CPLX2: variants seen among roughly 807,000 people sequenced by gnomAD.
CPLX2 encodes complexin-2.
Under a neutral mutation model 16.3 loss-of-function variants are expected in CPLX2, and 5 were observed. The ratio of observed to expected loss-of-function variants is 0.31; its 90% CI spans 0.16 to 0.64. CPLX2 has a LOEUF of 0.64. Ranked by LOEUF, CPLX2 falls within the 30% of genes least tolerant of loss-of-function variation. CPLX2 has a pLI of 0.79. For missense variants in CPLX2, 144 were observed against 181.4 expected (o/e 0.79, Z 1.18); for synonymous variants, 89 against 73.2 (o/e 1.22, Z -1.10).
intron 1 of CPLX2, among the ~76,000 whole-genome samples, chr5:175,807,242 TC>T (rs1342989353): frequency 1.3e-5 from 2 of 152,228 alleles, no homozygotes; most frequent in Non-Finnish European, 2.9e-5. Context: ...ACCCAAGTCA[TC>T]CCAACATGTG....
intron 2 of CPLX2, among the ~76,000 whole-genome samples, chr5:175,833,737 A>C (rs533019412): frequency 6.6e-6 from 1 of 152,278 alleles, no homozygotes; most frequent in African/African-American, 2.4e-5. Flanking sequence ...TCCACAGCCA[A>C]AATCAGTCAG....
chr5:175,799,546 A>ATATTTTTATATATT lies in CPLX2; in HGVS notation c.-169+2765_-169+2766insTTTTATATATTTAT, dbSNP rs1348959103. Among the ~76,000 whole-genome samples the ATATTTTTATATATT allele has an allele frequency of 1.3e-4, 14 of 107,518 alleles. 1 individual carries two copies. The East Asian group carries it at 3.4e-3, about 26-fold the overall frequency. 70.5% of individuals were successfully genotyped at this position (107,518 alleles called of 152,430 possible). Reference sequence around the variant, plus strand: ...AGATCCCTTTGCAAATTTCATATATATATATATATATATATATATATATAT... The same window carrying ATATTTTTATATATT: ...AGATCCCTTTGCAAATTTCATATATATATTTTTATATATTTATATATATATATATATATATATAT... On this transcript the variant is annotated intron_variant, in intron 1 of 4. Transcript: ENST00000359546.
At position 175,809,369 on chromosome 5, in the gene CPLX2, G is replaced by A. The variant is rs866277234; in HGVS notation, c.-89+301G>A. On this transcript the variant is annotated intron_variant, in intron 2 of 4. Transcript: ENST00000359546. The surrounding 1 kb of genome is among the most constrained non-coding windows in gnomAD (Gnocchi z 4.4). Reference sequence around the variant, plus strand: ...AAAACTGAAGCTCAGAGAGTGAAAGGACTTGCCTAAAGACACACAGCTGGT... The same window carrying A: ...AAAACTGAAGCTCAGAGAGTGAAAGAACTTGCCTAAAGACACACAGCTGGT... 7 of 152,192 alleles carry A rather than the reference G, an allele frequency of 4.6e-5. No individual in the cohort carries two copies. Among genetic ancestry groups the A allele is most frequent in the Non-Finnish European group, 8.8e-5 (6 of 68,052 alleles). 9.4% of individuals were successfully genotyped at this position (152,192 alleles called of 1,614,324 possible). A position where few individuals can be genotyped will look rare whatever the true frequency, so the allele number is the denominator to read the frequency against.
chr5:175,799,539 C>CAT (rs70988299), intron 1 of CPLX2, among the ~76,000 whole-genome samples: 5,584 of 71,786 alleles, frequency 0.078, 221 homozygotes, highest in South Asian at 0.092. Flanking sequence ...TTGCAAATTT[C>CAT]ATATATATAT....
chr5:175,850,700 G>A (rs1759134353), intron 2 of CPLX2, among the ~76,000 whole-genome samples: 1 of 152,126 alleles, frequency 6.6e-6, no homozygotes, highest in Non-Finnish European at 1.5e-5. Flanking sequence ...ATTTGACCGA[G>A]GGCACCCTCA....
Position 175,830,056 on chromosome 5 carries a change from G to A in CPLX2, c.-89+20988G>A, listed in dbSNP as rs1758704299. ...GCCTAGCGGTCTCTCTCATCCACCA[G>A]CGTGGCTGCGGCCCTCCGTGCTCTC... On this transcript the variant is annotated intron_variant, in intron 2 of 4. Transcript: ENST00000359546. This position sits in a 1 kb window ranked among gnomAD's most constrained non-coding sequence, Gnocchi z 4.0. 6.6e-6 allele frequency among the ~76,000 whole-genome samples: 1 copy of A among 152,198 alleles called. No individual in the cohort carries two copies. The highest frequency in any genetic ancestry group is 2.1e-4 in the South Asian group (1 of 4,830).
chr5:175,867,959 G>C (rs1759509684), upstream of CPLX2, among the ~76,000 whole-genome samples: 1 of 152,226 alleles, frequency 6.6e-6, no homozygotes, highest in Non-Finnish European at 1.5e-5. Flanking sequence ...AGGTGGCCTA[G>C]AGCCCTTCTC....
intron 2 of CPLX2, among the ~76,000 whole-genome samples, chr5:175,857,974 A>G (rs1759292367): frequency 6.6e-6 from 1 of 152,214 alleles, no homozygotes. Flanking sequence ...CAGCAGCGCC[A>G]GGGCCTGTGC....
At chr5:175,857,435 A>G (rs185454141) in intron 2 of CPLX2, among the ~76,000 whole-genome samples, 1 of 152,204 alleles carries the variant, frequency 6.6e-6, no homozygotes, top group East Asian at 1.9e-4. Context: ...GTCCCAATAA[A>G]CCCATCGTAA....
chr5:175,841,523 C>T (rs1012179083), intron 2 of CPLX2, among the ~76,000 whole-genome samples: 1 of 152,192 alleles, frequency 6.6e-6, no homozygotes, highest in African/African-American at 2.4e-5. Context: ...CCTCAACTAC[C>T]CTAAAACATG....
At chr5:175,796,636 G>A (rs1383910420) in exon 1 of CPLX2, 2 of 152,688 alleles carry the variant, frequency 1.3e-5, no homozygotes, top group East Asian at 3.9e-4. Context: ...ACAGAAACGG[G>A]GCTTGGCGCC....
In CPLX2 at chr5:175,878,724, A is replaced by G; in HGVS notation, c.-16A>G. 2 of 1,612,998 alleles carry G rather than the reference A, an allele frequency of 1.2e-6. No individual in the cohort carries two copies. Among genetic ancestry groups the G allele is most frequent in the Non-Finnish European group, 1.7e-6 (2 of 1,179,750 alleles). ...ATTCTGCCGTGGGCTAAGGCACGCT[A>G]ACCAGAGCCGGCGGCATGGACTTCG... On this transcript the variant is annotated 5_prime_UTR_variant, in exon 2 of 4. An upstream open reading frame in the 5' UTR loses its in-frame stop. Transcript: ENST00000393745.
chr5:175,863,491 T>C (rs1408298515), intron 2 of CPLX2, among the ~76,000 whole-genome samples: 1 of 152,200 alleles, frequency 6.6e-6, no homozygotes, highest in Non-Finnish European at 1.5e-5. Flanking sequence ...GATAATGATA[T>C]TTAAGGTAAC....
intron 2 of CPLX2, among the ~76,000 whole-genome samples, chr5:175,861,325 G>T (rs976015047): frequency 3.9e-5 from 6 of 152,170 alleles, no homozygotes; most frequent in Non-Finnish European, 5.9e-5. Context: ...CCAAACATAG[G>T]GTAAAAAGGG....
At chr5:175,797,680 C>T (rs1758015850) in intron 1 of CPLX2, among the ~76,000 whole-genome samples, 1 of 152,088 alleles carries the variant, frequency 6.6e-6, no homozygotes, top group Non-Finnish European at 1.5e-5. Context: ...ACGAACGGGA[C>T]AGCTCCAGGC....
intron 2 of CPLX2, among the ~76,000 whole-genome samples, chr5:175,846,502 G>C (rs907435467): frequency 6.6e-6 from 1 of 152,146 alleles, no homozygotes; most frequent in Non-Finnish European, 1.5e-5. Flanking sequence ...GATTTTTTGG[G>C]ATGCTGGACA....
chr5:175,837,760 C>T (rs1450876472), intron 2 of CPLX2: 2 of 152,300 alleles, frequency 1.3e-5, no homozygotes, highest in East Asian at 3.9e-4. Context: ...GCAACCCCCA[C>T]CCCCTCTGAG....
chr5:175,882,875 A>C lies in CPLX2; in HGVS notation c.*2830A>C, dbSNP rs1336566342. 1 of 152,412 alleles carries C rather than the reference A, an allele frequency of 6.6e-6. No homozygotes were observed. The highest frequency in any genetic ancestry group is 1.5e-5 in the Non-Finnish European group (1 of 68,100). The allele number at this position is 152,412 out of a possible 1,614,324, so 9.4% of individuals were successfully genotyped here. On this transcript the variant is annotated 3_prime_UTR_variant, in exon 4 of 4. Transcript: ENST00000393745. ...CCCAGAGAGCCTGTCTGTGTGGAGC[A>C]CGTAGTGCACAGAATACGTGAGAGT...
intron 2 of CPLX2, among the ~76,000 whole-genome samples, chr5:175,846,045 G>A (rs773834527): frequency 3.3e-5 from 5 of 152,110 alleles, no homozygotes; most frequent in South Asian, 2.1e-4. Context: ...TGCCCACACC[G>A]CACCTGTGGC....
Sources: gnomAD v4.1 joint callset for allele counts (sites outside exome capture counted in the v4.1 genomes callset) on GRCh38, gnomAD v4.1.1 for gene constraint, Gnocchi (gnomAD v3.1) non-coding constraint, MANE v1.5 for transcripts, NCBI Gene and HGNC (gene_info 2026-07-23, HGNC 2026-07-21) for gene names.